Variants in ASIC2 observed in about 807,000 individuals in gnomAD.
The protein encoded by ASIC2 is acid-sensing ion channel 2.
In ASIC2, 25 loss-of-function variants were observed where a neutral mutation model predicts 57.3. The ratio of observed to expected loss-of-function variants is 0.44; its 90% CI spans 0.32 to 0.61. The LOEUF is 0.61. Among genes scored for constraint, ASIC2 ranks in the 20% least tolerant of loss-of-function variants. ASIC2 has a pLI of 0.06. For synonymous variants in ASIC2, 319 were observed against 307.5 expected, an observed-to-expected ratio of 1.04 and a Z score of -0.39; for missense variants, 641 against 738.1, an observed-to-expected ratio of 0.87 and a Z score of 1.52.
chr17:33,790,789 GACGATCTA>G (rs1057305870), intron 1 of ASIC2, among the ~76,000 whole-genome samples: 24 of 152,280 alleles, frequency 1.6e-4, no homozygotes, highest in African/African-American at 5.8e-4. Context: ...AGATGATGAT[GACGATCTA>G]ACAACAATAA....
intron 1 of ASIC2, among the ~76,000 whole-genome samples, chr17:33,505,944 C>T (rs1187946553): frequency 6.6e-6 from 1 of 152,002 alleles, no homozygotes; most frequent in East Asian, 1.9e-4. Flanking sequence ...ACTTCAAGCT[C>T]CTTGAAAAAA....
chr17:33,056,193 A>C (rs893839419), intron 3 of ASIC2, among the ~76,000 whole-genome samples: 2 of 152,192 alleles, frequency 1.3e-5, no homozygotes, highest in African/African-American at 4.8e-5. Flanking sequence ...TGGATTCCTC[A>C]TTCAAAGACC....
intron 1 of ASIC2, among the ~76,000 whole-genome samples, chr17:33,737,294 T>C: frequency 6.6e-6 from 1 of 152,252 alleles, no homozygotes. Context: ...GCCACAGCCT[T>C]AGCTATTACG....
intron 1 of ASIC2, among the ~76,000 whole-genome samples, chr17:33,769,855 A>G (rs1372987877): frequency 6.6e-6 from 1 of 152,180 alleles, no homozygotes; most frequent in Non-Finnish European, 1.5e-5. Context: ...GTGTCCTCAC[A>G]TGGTGAAGAG....
At chr17:33,855,432 A>T (rs1913896765) in intron 1 of ASIC2, among the ~76,000 whole-genome samples, 1 of 152,206 alleles carries the variant, frequency 6.6e-6, no homozygotes, top group Non-Finnish European at 1.5e-5. Context: ...CAGGTATAGT[A>T]ATATTATAAA....
At chr17:34,089,404 T>C (rs970928464) in intron 1 of ASIC2, among the ~76,000 whole-genome samples, 15 of 152,308 alleles carry the variant, frequency 9.8e-5, no homozygotes, top group African/African-American at 3.4e-4. Context: ...ACCAAGGTGA[T>C]AGCCAGGTGG....
intron 1 of ASIC2, among the ~76,000 whole-genome samples, chr17:34,142,385 G>T (rs747409018): frequency 6.6e-6 from 1 of 152,156 alleles, no homozygotes; most frequent in Non-Finnish European, 1.5e-5. Context: ...TATAGTGCTG[G>T]ATTAGAAGTC....
At chr17:33,482,092 C>T (rs1284389898) in intron 1 of ASIC2, among the ~76,000 whole-genome samples, 1 of 152,244 alleles carries the variant, frequency 6.6e-6, no homozygotes, top group Admixed American at 6.5e-5. Context: ...CTCCAGTCCT[C>T]TCTTTGCTCC....
chr17:33,185,860 C>T (rs189701049), intron 1 of ASIC2, among the ~76,000 whole-genome samples: 35 of 152,218 alleles, frequency 2.3e-4, no homozygotes, highest in South Asian at 1.2e-3. Context: ...CTCCAGGCTT[C>T]GGGTAGAGTG....
intron 1 of ASIC2, among the ~76,000 whole-genome samples, chr17:34,150,646 G>A (rs1181233695): frequency 6.6e-6 from 1 of 152,176 alleles, no homozygotes. Flanking sequence ...AATAATGACT[G>A]TTCTAACAGA....
chr17:33,472,443 C>T (rs1187049621), intron 1 of ASIC2, among the ~76,000 whole-genome samples: 1 of 152,192 alleles, frequency 6.6e-6, no homozygotes, highest in African/African-American at 2.4e-5. Flanking sequence ...CACCATCTTA[C>T]AGGGGAGGAT....
At chr17:33,464,483 TC>T (rs1912756169) in intron 1 of ASIC2, among the ~76,000 whole-genome samples, 1 of 31,712 alleles carries the variant, frequency 3.2e-5, no homozygotes, top group African/African-American at 1.2e-4. Context: ...TTCTTTTCTC[TC>T]TTTCTTTCTT....
intron 1 of ASIC2, chr17:34,155,923 G>C: frequency 2.0e-6 from 3 of 1,536,116 alleles, no homozygotes; most frequent in South Asian, 2.5e-5. Context: ...GGAGACCACC[G>C]GCGCACCACT....
chr17:33,380,584 A>G (rs1337087983), intron 1 of ASIC2, among the ~76,000 whole-genome samples: 1 of 152,188 alleles, frequency 6.6e-6, no homozygotes. Flanking sequence ...TCTTCTCCTC[A>G]GGGTCTAGGC....
At chr17:33,822,534 C>G (rs1034978043) in intron 1 of ASIC2, among the ~76,000 whole-genome samples, 1 of 152,126 alleles carries the variant, frequency 6.6e-6, no homozygotes, top group African/African-American at 2.4e-5. Flanking sequence ...TTCTAATATT[C>G]TTAGTCAGTG....
intron 1 of ASIC2, among the ~76,000 whole-genome samples, chr17:33,925,840 G>A (rs891958706): frequency 2.6e-5 from 4 of 152,148 alleles, no homozygotes; most frequent in African/African-American, 9.7e-5. Flanking sequence ...TCTACCCAAG[G>A]CTGCGTGGGT....
intron 1 of ASIC2, among the ~76,000 whole-genome samples, chr17:33,299,175 C>G (rs1022516732): frequency 6.6e-6 from 1 of 151,972 alleles, no homozygotes; most frequent in African/African-American, 2.4e-5. Flanking sequence ...ATCACACAAC[C>G]TGACTTCAAA....
intron 1 of ASIC2, among the ~76,000 whole-genome samples, chr17:33,149,409 T>C (rs1904694295): frequency 6.6e-6 from 1 of 152,258 alleles, no homozygotes; most frequent in African/African-American, 2.4e-5. Flanking sequence ...TATAAAACTA[T>C]GTTCTTCTGT....
intron 1 of ASIC2, among the ~76,000 whole-genome samples, chr17:33,840,644 A>T (rs1913407577): frequency 6.6e-6 from 1 of 152,194 alleles, no homozygotes; most frequent in South Asian, 2.1e-4. Context: ...AGGGGAGTTG[A>T]CATCTACTAG....
Sources: gnomAD v4.1 joint callset for allele counts (sites outside exome capture counted in the v4.1 genomes callset) on GRCh38, gnomAD v4.1.1 for gene constraint, MANE v1.5 for transcripts, NCBI Gene and HGNC (gene_info 2026-07-23, HGNC 2026-07-21) for gene names.